MAP2K5: variants seen among roughly 807,000 people sequenced by gnomAD.
The protein encoded by MAP2K5 is mitogen-activated protein kinase kinase 5.
A neutral mutation model predicts 83.1 loss-of-function variants in MAP2K5; 49 were observed. The observed-to-expected ratio is 0.59, with a 90% CI of 0.47 to 0.75. The LOEUF is 0.75. Ranked by LOEUF, MAP2K5 falls within the 30% of genes least tolerant of loss-of-function variation. MAP2K5 has a pLI of 0.00. For missense variants in MAP2K5, 457 were observed against 557.5 expected (o/e 0.82, Z 1.82); for synonymous variants, 202 against 191.8 (o/e 1.05, Z -0.44).
chr15:67,566,296 T>C (rs1393480937), intron 3 of MAP2K5, among the ~76,000 whole-genome samples: 3 of 152,114 alleles, frequency 2.0e-5, no homozygotes, highest in African/African-American at 7.2e-5. Context: ...TGCCTCAGCC[T>C]CCCGGGTAGC....
intron 19 of MAP2K5, among the ~76,000 whole-genome samples, chr15:67,754,153 G>A (rs1311732071): frequency 6.6e-6 from 1 of 152,222 alleles, no homozygotes; most frequent in Admixed American, 6.5e-5. Flanking sequence ...GAAGGGAATT[G>A]AGAATGACTG....
intron 17 of MAP2K5, among the ~76,000 whole-genome samples, chr15:67,730,073 C>T (rs1201331903): frequency 6.6e-6 from 1 of 152,106 alleles, no homozygotes; most frequent in Admixed American, 6.6e-5. Flanking sequence ...GCCGTTAGGC[C>T]TATTTCCTAA....
intron 13 of MAP2K5, among the ~76,000 whole-genome samples, chr15:67,687,593 TGTGA>T (rs1231884999): frequency 7.9e-5 from 12 of 152,262 alleles, no homozygotes; most frequent in Admixed American, 4.6e-4. Flanking sequence ...AGTAAATATT[TGTGA>T]GTGAGTACTT....
intron 14 of MAP2K5, 35 bp from the exon 15 acceptor site, chr15:67,693,483 T>A (rs2088167112): frequency 6.5e-7 from 1 of 1,546,570 alleles, no homozygotes; most frequent in African/African-American, 1.4e-5. Flanking sequence ...CCACATTATC[T>A]TTATATTGTT....
chr15:67,644,512 G>A lies in MAP2K5; in HGVS notation c.586-1719G>A, dbSNP rs1199570589. ...AAAAATATGTGTTTGAAATAAACTA[G>A]AATTTATTCTAGATAAGTTTATAAA... On this transcript the variant is annotated intron_variant, in intron 9 of 21. Transcript: ENST00000178640. The surrounding 1 kb of genome is among the most constrained non-coding windows in gnomAD (Gnocchi z 4.6). Among the ~76,000 whole-genome samples, 4 of 152,054 alleles carry A rather than the reference G, an allele frequency of 2.6e-5. No homozygotes were observed. The East Asian group carries it at 7.7e-4, about 29-fold the overall frequency.
In MAP2K5 at chr15:67,748,622, C is replaced by G; in HGVS notation, c.1134+21C>G. On this transcript the variant is annotated intron_variant, in intron 19 of 21. Transcript: ENST00000178640. This position sits in a 1 kb window ranked among gnomAD's most constrained non-coding sequence, Gnocchi z 4.0. ...ATGAGGTGAGGCATCGTCTTATGTG[C>G]TTTCACTCCTAAAGTCATTCCTAAT... is the stretch of plus-strand genomic sequence containing the variant. The G allele has an allele frequency of 6.2e-7, 1 of 1,610,864 alleles. No homozygotes were observed. The highest frequency in any genetic ancestry group is 8.5e-7 in the Non-Finnish European group (1 of 1,177,250).
intron 1 of MAP2K5, chr15:67,546,403 T>A (rs1242157532): frequency 6.1e-6 from 1 of 162,762 alleles, no homozygotes; most frequent in African/African-American, 2.4e-5. Context: ...AGAAGCAGGT[T>A]GTAGTCACCG....
At chr15:67,710,658 C>T (rs985307101) in intron 16 of MAP2K5, among the ~76,000 whole-genome samples, 35 of 152,196 alleles carry the variant, frequency 2.3e-4, no homozygotes, top group African/African-American at 8.4e-4. Context: ...CATGCGCCAC[C>T]ACGCCCGGCT....
At chr15:67,772,684 G>A (rs1409654688) in intron 20 of MAP2K5, 23 bp from the exon 21 acceptor site, 11 of 1,520,020 alleles carry the variant, frequency 7.2e-6, no homozygotes, top group South Asian at 1.3e-5. Context: ...ATAACATAAG[G>A]GGTTTTTTTC....
intron 8 of MAP2K5, among the ~76,000 whole-genome samples, chr15:67,611,011 C>A (rs2085909990): frequency 6.6e-6 from 1 of 152,114 alleles, no homozygotes; most frequent in South Asian, 2.1e-4. Flanking sequence ...CTTTAGGGCA[C>A]AATCAATATA....
intron 7 of MAP2K5, among the ~76,000 whole-genome samples, chr15:67,599,420 A>G (rs1166821636): frequency 6.6e-6 from 1 of 152,248 alleles, no homozygotes; most frequent in Non-Finnish European, 1.5e-5. Flanking sequence ...TGGCTTGGAA[A>G]AGAAGCTGTT....
chr15:67,782,944 T>C lies in MAP2K5; in HGVS notation c.1242+10192T>C, dbSNP rs1305028315. 6.6e-6 allele frequency among the ~76,000 whole-genome samples: 1 copy of C among 152,254 alleles called. No individual in the cohort carries two copies. Among genetic ancestry groups the C allele is most frequent in the Non-Finnish European group, 1.5e-5 (1 of 68,036 alleles). The stretch of plus-strand genomic sequence containing the variant: ...AGCTCTCCTGTGCAGGCAGCAGTGC[T>C]GCATCATCTGGAAAGTGGGTTAAGC... On this transcript the variant is annotated intron_variant, in intron 21 of 21. Transcript: ENST00000178640. The surrounding 1 kb of genome is among the most constrained non-coding windows in gnomAD (Gnocchi z 4.9).
At chr15:67,773,891 C>CA (rs1323709950) in intron 21 of MAP2K5, among the ~76,000 whole-genome samples, 1 of 152,164 alleles carries the variant, frequency 6.6e-6, no homozygotes, top group African/African-American at 2.4e-5. Flanking sequence ...GATGGAGACC[C>CA]ATTTACCTTG....
intron 8 of MAP2K5, chr15:67,628,236 C>G: frequency 1.6e-6 from 1 of 644,622 alleles, no homozygotes; most frequent in Non-Finnish European, 2.8e-6. Context: ...AATCCCAACA[C>G]TTTGGGAGGC....
chr15:67,544,910 A>G (rs2084362162), intron 1 of MAP2K5, among the ~76,000 whole-genome samples: 1 of 152,166 alleles, frequency 6.6e-6, no homozygotes, highest in South Asian at 2.1e-4. Flanking sequence ...TTCTCTTTGT[A>G]TCCGGAGTTC....
intron 8 of MAP2K5, among the ~76,000 whole-genome samples, chr15:67,602,879 C>T (rs1357793795): frequency 6.6e-6 from 1 of 152,128 alleles, no homozygotes; most frequent in Non-Finnish European, 1.5e-5. Flanking sequence ...GTCTCGAGCT[C>T]CTGACCTCGT....
At chr15:67,686,677 G>A (rs1305759451) in intron 13 of MAP2K5, among the ~76,000 whole-genome samples, 3 of 151,766 alleles carry the variant, frequency 2.0e-5, no homozygotes, top group African/African-American at 7.3e-5. Flanking sequence ...ATGAGAAGAA[G>A]CAAAACTAAT....
Position 67,702,732 on chromosome 15 carries a change from TC to T in MAP2K5, c.973-603del, listed in dbSNP as rs1318668050. Among the ~76,000 whole-genome samples, 1 of 152,214 alleles carries T rather than the reference TC, an allele frequency of 6.6e-6. No individual in the cohort carries two copies. The highest frequency in any genetic ancestry group is 1.5e-5 in the Non-Finnish European group (1 of 68,028). ...GTCCCAAATGGACCTTTCAGACTGT[TC>T]CTTGGTTCATATACAAAGAAACTCT... On this transcript the variant is annotated intron_variant, in intron 15 of 21. Coordinates refer to ENST00000178640, the MANE Select transcript of MAP2K5 (RefSeq NM_145160.3). The surrounding 1 kb of genome is among the most constrained non-coding windows in gnomAD (Gnocchi z 4.6).
In MAP2K5 at chr15:67,727,933, T is replaced by C; in HGVS notation, c.1062T>C (p.Phe354=). 1 of 1,612,484 alleles carries C rather than the reference T, an allele frequency of 6.2e-7. No homozygotes were observed. The highest frequency in any genetic ancestry group is 8.5e-7 in the Non-Finnish European group (1 of 1,178,494). Residue 354 remains phenylalanine (F), a synonymous_variant, in exon 17 of 22, where the codon TTT becomes TTC. Transcript: ENST00000178640. The stretch of plus-strand genomic sequence containing the variant: ...TTTCCCAGCTTGCTCTTGGGAGGTT[T>C]CCATATCCTCAGGTAAGATTGTTCA... The part of the protein sequence containing the change: ...ISFMELALGR[F]PYPQIQKNQG...
Sources: allele counts gnomAD v4.1 joint callset (sites outside exome capture counted in the v4.1 genomes callset), GRCh38; gene constraint gnomAD v4.1.1; non-coding constraint Gnocchi (gnomAD v3.1); transcripts MANE v1.5; gene names NCBI Gene and HGNC (gene_info 2026-07-23, HGNC 2026-07-21).